Variants in GHR observed in about 807,000 individuals in gnomAD.
GHR encodes the protein GH receptor.
Under a neutral mutation model 67.1 loss-of-function variants are expected in GHR, and 35 were observed. The ratio of observed to expected loss-of-function variants is 0.52; its 90% CI spans 0.40 to 0.69. The LOEUF (loss-of-function observed/expected upper bound fraction) is 0.69. GHR is among the 30% of genes least tolerant of loss of function. GHR has a pLI of 0.00. For missense variants in GHR, 792 were observed against 764.6 expected, an observed-to-expected ratio of 1.04 and a Z score of -0.42; for synonymous variants, 272 against 269.1, an observed-to-expected ratio of 1.01 and a Z score of -0.10.
rs114848475 is a variant in GHR at position 42,574,315 on chromosome 5, G to A, written c.70+8371G>A. Among the ~76,000 whole-genome samples, 572 of 152,332 alleles carry A rather than the reference G, an allele frequency of 3.8e-3. 4 individuals carry two copies. Among genetic ancestry groups the A allele is most frequent in the African/African-American group, 0.013 (548 of 41,574 alleles). ...GAAAGTACATGAAGTGCCATACTCA[G>A]ACAGCTCTGGCTACGTTGACAAACT... On this transcript the variant is annotated intron_variant, in intron 2 of 9. Coordinates refer to ENST00000230882, the MANE Select transcript of GHR (RefSeq NM_000163.5).
At chr5:42,696,923 C>G (rs1757700581) in intron 5 of GHR, among the ~76,000 whole-genome samples, 1 of 152,242 alleles carries the variant, frequency 6.6e-6, no homozygotes, top group Non-Finnish European at 1.5e-5. Context: ...TGCTCTTACT[C>G]TTGAGGCTTT....
intron 3 of GHR, among the ~76,000 whole-genome samples, chr5:42,644,922 A>G (rs1273039884): frequency 6.6e-6 from 1 of 152,182 alleles, no homozygotes; most frequent in Non-Finnish European, 1.5e-5. Flanking sequence ...TCACATTCTC[A>G]GGGGAACCCA....
intron 3 of GHR, among the ~76,000 whole-genome samples, chr5:42,662,137 C>T (rs1294325362): frequency 1.3e-5 from 2 of 152,208 alleles, no homozygotes; most frequent in Non-Finnish European, 2.9e-5. Flanking sequence ...CAGACTTAGA[C>T]TCCCACACAA....
Position 42,719,754 on chromosome 5 carries a change from T to C in GHR, c.*330T>C. The C allele has an allele frequency of 3.2e-6, 1 of 311,168 alleles. No individual in the cohort carries two copies. Among genetic ancestry groups the C allele is most frequent in the South Asian group, 3.5e-5 (1 of 28,878 alleles). 19.3% of individuals were successfully genotyped at this position (311,168 alleles called of 1,614,324 possible). A position where few individuals can be genotyped will look rare whatever the true frequency, so the allele number is the denominator to read the frequency against. ...GTTTTTAATGTATAGTAAATCACGCTTTTTGAAAAAGCGAAAAAATCAGGT... is the reference window on the plus strand; with the variant it reads ...GTTTTTAATGTATAGTAAATCACGCCTTTTGAAAAAGCGAAAAAATCAGGT... On this transcript the variant is annotated 3_prime_UTR_variant, in exon 10 of 10. Coordinates refer to ENST00000230882, the MANE Select transcript of GHR (RefSeq NM_000163.5).
intron 1 of GHR, among the ~76,000 whole-genome samples, chr5:42,428,159 A>G (rs1742935568): frequency 6.6e-6 from 1 of 152,182 alleles, no homozygotes; most frequent in Admixed American, 6.5e-5. Flanking sequence ...AGGCATTTCC[A>G]TACATCCTCT....
chr5:42,718,741 G>A lies in GHR; in HGVS notation c.1234G>A (p.Ala412Thr). 6.2e-7 allele frequency: 1 copy of A among 1,614,118 alleles called. No individual in the cohort carries two copies. The highest frequency in any genetic ancestry group is 8.5e-7 in the Non-Finnish European group (1 of 1,179,992). ...NDIHEGTSEV[A>T]QPQRLKGEAD... ...CATACATGAGGGTACCTCAGAGGTT[G>A]CTCAGCCACAGAGGTTAAAAGGGGA... The change falls in exon 10 of 10, where the codon GCT becomes ACT. Residue 412 changes from alanine to threonine, a missense_variant. Physicochemically the swap from Ala to Thr is moderately conservative, Grantham distance 58. Transcript: ENST00000230882.
intron 1 of GHR, among the ~76,000 whole-genome samples, chr5:42,515,182 T>A (rs2112279844): frequency 6.6e-6 from 1 of 152,292 alleles, no homozygotes; most frequent in East Asian, 1.9e-4. Context: ...AACCAAAGAA[T>A]GACTAAAGAA....
chr5:42,538,944 T>C (rs1330232616), intron 1 of GHR, among the ~76,000 whole-genome samples: 1 of 152,168 alleles, frequency 6.6e-6, no homozygotes, highest in Non-Finnish European at 1.5e-5. Flanking sequence ...CTGCATTTCT[T>C]TCTTCTACTT....
intron 1 of GHR, among the ~76,000 whole-genome samples, chr5:42,458,899 A>C (rs1744372595): frequency 6.6e-6 from 1 of 152,204 alleles, no homozygotes; most frequent in African/African-American, 2.4e-5. Context: ...CAATATCACT[A>C]ATCATTATGG....
intron 1 of GHR, among the ~76,000 whole-genome samples, chr5:42,496,977 C>T (rs1007181449): frequency 6.6e-5 from 10 of 152,160 alleles, no homozygotes; most frequent in African/African-American, 2.2e-4. Context: ...CACCAGTATT[C>T]AGTGCTCTTG....
At chr5:42,474,295 G>GAGAAAGAAAAGAAAGAA (rs1745163788) in intron 1 of GHR, among the ~76,000 whole-genome samples, 2 of 81,070 alleles carry the variant, frequency 2.5e-5, no homozygotes, top group Admixed American at 2.7e-4. Flanking sequence ...AAAAGAGAAA[G>GAGAAAGAAAAGAAAGAA]AGAAAGAAAG....
chr5:42,675,916 T>G (rs1312385497), intron 3 of GHR, among the ~76,000 whole-genome samples: 1 of 152,196 alleles, frequency 6.6e-6, no homozygotes, highest in Non-Finnish European at 1.5e-5. Flanking sequence ...TTTATTTGGG[T>G]CAATCCTACA....
chr5:42,681,204 T>C (rs1234636038), intron 3 of GHR, among the ~76,000 whole-genome samples: 1 of 150,876 alleles, frequency 6.6e-6, no homozygotes, highest in Non-Finnish European at 1.5e-5. Context: ...ATTTTTGCAA[T>C]CCGCCCATCT....
chr5:42,563,179 G>T (rs1000215151), intron 1 of GHR, among the ~76,000 whole-genome samples: 1 of 152,186 alleles, frequency 6.6e-6, no homozygotes, highest in African/African-American at 2.4e-5. Flanking sequence ...AGAAAAGGCT[G>T]CGTGGGAATT....
intron 3 of GHR, among the ~76,000 whole-genome samples, chr5:42,640,834 C>T (rs573663117): frequency 1.3e-4 from 19 of 151,896 alleles, no homozygotes; most frequent in South Asian, 4.2e-4. Flanking sequence ...CTTAATTTTG[C>T]GTCCTGAAAG....
rs1449015244 is a variant in GHR at position 42,565,934 on chromosome 5, T to G, written c.60T>G (p.Ser20=). Residue 20 remains serine (S), a synonymous_variant, in exon 2 of 10, where the codon TCT becomes TCG. Coordinates refer to ENST00000230882, the MANE Select transcript of GHR (RefSeq NM_000163.5). ...TGGCAGGATCAAGTGATGCTTTTTC[T>G]GGAAGTGAGGGTGAGTTCTGCTTTT... ...LALAGSSDAF[S]GSEATAAILS... 1 of 1,614,128 alleles carries G rather than the reference T, an allele frequency of 6.2e-7. No individual in the cohort carries two copies. The highest frequency in any genetic ancestry group is 8.5e-7 in the Non-Finnish European group (1 of 1,179,952).
At chr5:42,592,163 A>C in intron 2 of GHR, among the ~76,000 whole-genome samples, 1 of 152,204 alleles carries the variant, frequency 6.6e-6, no homozygotes, top group East Asian at 1.9e-4. Flanking sequence ...AAAGTTCACG[A>C]TGTGAATCTT....
In GHR at chr5:42,565,862, A is replaced by G; in HGVS notation, c.-11-2A>G. ...TTTACCTTACCCTTTTTGTGATTGCAGGTCCTACAGGTATGGATCTCTGGC... is the reference window on the plus strand; with the variant it reads ...TTTACCTTACCCTTTTTGTGATTGCGGGTCCTACAGGTATGGATCTCTGGC... On this transcript the variant is annotated splice_acceptor_variant, in intron 1 of 9. Coordinates refer to ENST00000230882, the MANE Select transcript of GHR (RefSeq NM_000163.5). LOFTEE classifies it low-confidence loss of function (5UTR_SPLICE). 1 of 1,613,882 alleles carries G rather than the reference A, an allele frequency of 6.2e-7. No homozygotes were observed. Among genetic ancestry groups the G allele is most frequent in the East Asian group, 2.2e-5 (1 of 44,882 alleles).
At chr5:42,636,287 T>C (rs1260867124) in intron 3 of GHR, among the ~76,000 whole-genome samples, 1 of 152,060 alleles carries the variant, frequency 6.6e-6, no homozygotes, top group Non-Finnish European at 1.5e-5. Flanking sequence ...AGTATGCCTA[T>C]GTACACTCTA....
Sources: allele counts gnomAD v4.1 joint callset (sites outside exome capture counted in the v4.1 genomes callset), GRCh38; gene constraint gnomAD v4.1.1; transcripts MANE v1.5; gene names NCBI Gene and HGNC (gene_info 2026-07-23, HGNC 2026-07-21).